The following TMOD1 variants were observed in gnomAD, a reference collection of about 807,000 sequenced individuals.
TMOD1 encodes the protein tropomodulin-1.
TMOD1 carries 17 observed loss-of-function variants against 40.6 expected under a neutral mutation model. The ratio of observed to expected loss-of-function variants is 0.42; its 90% CI spans 0.29 to 0.63. TMOD1 has a LOEUF of 0.63. Among genes scored for constraint, TMOD1 ranks in the 20% least tolerant of loss-of-function variants. The pLI, the probability that TMOD1 is intolerant of heterozygous loss-of-function variation, is 0.22. For missense variants in TMOD1, 391 were observed against 447.6 expected (o/e 0.87, Z 1.14); for synonymous variants, 181 against 175.0 (o/e 1.03, Z -0.27).
chr9:97,563,928 G>T, intron 5 of TMOD1, 110 bp from the exon 6 acceptor site: 1 of 1,311,472 alleles, frequency 7.6e-7, no homozygotes, highest in Non-Finnish European at 1.0e-6. Flanking sequence ...GTGATGTGCA[G>T]CCCTCACGTG....
At chr9:97,531,412 A>G (rs1012967279) in intron 2 of TMOD1, among the ~76,000 whole-genome samples, 1 of 151,968 alleles carries the variant, frequency 6.6e-6, no homozygotes, top group Non-Finnish European at 1.5e-5. Context: ...GGAGTTCAAA[A>G]CCAGCCTGGC....
In TMOD1 at chr9:97,562,796, C is replaced by T; in HGVS notation, c.462C>T (p.Ser154=). ...ACTACCAGGCCCTGAGCAGCAGCTC[C>T]ATCATGAACAAGGAGGGGCTCAACA... The part of the protein sequence containing the change: ...QQYYQALSSS[S]IMNKEGLNSV... Residue 154 remains serine (S), a synonymous_variant, in exon 5 of 10, where the codon TCC becomes TCT. Transcript: ENST00000259365. 1 of 1,585,710 alleles carries T rather than the reference C, an allele frequency of 6.3e-7. No individual in the cohort carries two copies. The highest frequency in any genetic ancestry group is 8.6e-7 in the Non-Finnish European group (1 of 1,169,578).
At chr9:97,578,757 A>G (rs1262261241) in intron 8 of TMOD1, among the ~76,000 whole-genome samples, 1 of 152,172 alleles carries the variant, frequency 6.6e-6, no homozygotes, top group Non-Finnish European at 1.5e-5. Context: ...AATGCATGTT[A>G]AGGGGCTTTG....
chr9:97,560,289 G>C (rs1830617460), intron 4 of TMOD1, among the ~76,000 whole-genome samples: 1 of 152,088 alleles, frequency 6.6e-6, no homozygotes, highest in South Asian at 2.1e-4. Flanking sequence ...AGATTCTGAG[G>C]CATACACCAG....
At chr9:97,582,937 C>T (rs541039637) in intron 8 of TMOD1, among the ~76,000 whole-genome samples, 11 of 151,642 alleles carry the variant, frequency 7.3e-5, no homozygotes, top group East Asian at 3.9e-4. Context: ...ACAATCATGT[C>T]GTCTGCAAAC....
intron 1 of TMOD1, among the ~76,000 whole-genome samples, chr9:97,517,513 G>A (rs774400224): frequency 1.3e-5 from 2 of 152,040 alleles, no homozygotes; most frequent in Non-Finnish European, 2.9e-5. Context: ...AGCCGGACAC[G>A]CATGCTGGGT....
At chr9:97,559,302 A>AC (rs1830581525) in intron 4 of TMOD1, among the ~76,000 whole-genome samples, 1 of 152,138 alleles carries the variant, frequency 6.6e-6, no homozygotes, top group Admixed American at 6.6e-5. Context: ...CGAGAGCTTG[A>AC]AAAAATGCAG....
rs117252558 is a variant in TMOD1 at position 97,532,128 on chromosome 9, G to A, written c.120+7820G>A. On this transcript the variant is annotated intron_variant, in intron 2 of 9. Coordinates refer to ENST00000259365, the MANE Select transcript of TMOD1 (RefSeq NM_003275.4). ...CTTTGTAACACAAACCGGCAGAATC[G>A]CAAGCCCAGGACAGAAGTAAACAGT... Among the ~76,000 whole-genome samples, 13 of 152,308 alleles carry A rather than the reference G, an allele frequency of 8.5e-5. No homozygotes were observed. The East Asian group carries it at 1.9e-3, about 23-fold the overall frequency.
At chr9:97,521,189 T>C (rs1318009470) in intron 1 of TMOD1, among the ~76,000 whole-genome samples, 1 of 152,182 alleles carries the variant, frequency 6.6e-6, no homozygotes, top group African/African-American at 2.4e-5. Context: ...TGAGATTCCA[T>C]TTCCGGGTGC....
At chr9:97,552,359 C>A (rs913306292) in intron 3 of TMOD1, among the ~76,000 whole-genome samples, 2 of 152,166 alleles carry the variant, frequency 1.3e-5, no homozygotes, top group Non-Finnish European at 2.9e-5. Flanking sequence ...GCGGTGCACA[C>A]CCCACCCACA....
chr9:97,599,603 T>A, intron 9 of TMOD1, 31 bp from the exon 10 acceptor site: 1 of 1,613,732 alleles, frequency 6.2e-7, no homozygotes, highest in Admixed American at 1.7e-5. Flanking sequence ...CAGGGAAAAG[T>A]GCCTTATATC....
rs377026492 is a variant in TMOD1, at chr9:97,556,778, G to T, written c.397+3378G>T. ...TGAGGGAGGCACTTGGGGTAGGGCTGGGGGAGACCAGGGAAGAGCTATGGA... is the reference window on the plus strand; with the variant it reads ...TGAGGGAGGCACTTGGGGTAGGGCTTGGGGAGACCAGGGAAGAGCTATGGA... On this transcript the variant is annotated intron_variant, in intron 4 of 9. Transcript: ENST00000259365. 5.3e-4 allele frequency among the ~76,000 whole-genome samples: 80 copies of T among 152,314 alleles called. 1 individual carries two copies. The highest frequency in any genetic ancestry group is 1.7e-3 in the African/African-American group (71 of 41,566).
chr9:97,509,855 C>CT (rs1329466099), intron 1 of TMOD1, among the ~76,000 whole-genome samples: 1 of 152,096 alleles, frequency 6.6e-6, no homozygotes, highest in East Asian at 1.9e-4. Flanking sequence ...CCACAATTTG[C>CT]TTTTTTATAA....
rs141990709 is a variant in TMOD1 at position 97,553,336 on chromosome 9, G to C, written c.333G>C (p.Thr111=). 6.2e-7 allele frequency: 1 copy of C among 1,614,196 alleles called. No individual in the cohort carries two copies. Among genetic ancestry groups the C allele is most frequent in the Non-Finnish European group, 8.5e-7 (1 of 1,180,036 alleles). ...KPLDPVLESV[T]LEPELEEALA... Reference sequence around the variant, plus strand: ...TGGATCCTGTGCTGGAAAGTGTGACGCTGGAACCGGAGCTGGAGGAAGCCT... The same window carrying C: ...TGGATCCTGTGCTGGAAAGTGTGACCCTGGAACCGGAGCTGGAGGAAGCCT... Residue 111 remains threonine (T), a synonymous_variant, in exon 4 of 10, where the codon ACG becomes ACC. Coordinates refer to ENST00000259365, the MANE Select transcript of TMOD1 (RefSeq NM_003275.4).
chr9:97,511,108 A>ACG (rs370457626), intron 1 of TMOD1, among the ~76,000 whole-genome samples: 1 of 149,714 alleles, frequency 6.7e-6, no homozygotes, highest in East Asian at 2.0e-4. Context: ...ACACACACAC[A>ACG]CACAGGCTTT....
intron 1 of TMOD1, among the ~76,000 whole-genome samples, chr9:97,508,878 G>A (rs913758775): frequency 6.6e-6 from 1 of 152,192 alleles, no homozygotes; most frequent in Non-Finnish European, 1.5e-5. Context: ...CCTATGACTG[G>A]TGTCTTAAGA....
intron 2 of TMOD1, among the ~76,000 whole-genome samples, chr9:97,544,009 T>C (rs1220163802): frequency 1.3e-5 from 2 of 152,128 alleles, no homozygotes; most frequent in Non-Finnish European, 2.9e-5. Context: ...TGTCCTCTCA[T>C]AAAAAGCTCC....
At chr9:97,516,749 C>T (rs1829816681) in intron 1 of TMOD1, 1 of 152,086 alleles carries the variant, frequency 6.6e-6, no homozygotes, top group Non-Finnish European at 1.5e-5. Context: ...CACAGCATGA[C>T]TCCAGTCATC....
At chr9:97,575,351 C>G (rs374811728) in intron 8 of TMOD1, among the ~76,000 whole-genome samples, 9 of 152,328 alleles carry the variant, frequency 5.9e-5, no homozygotes, top group African/African-American at 1.9e-4. Context: ...TCAGAAGGAA[C>G]AAACTCCGGA....
Sources: gnomAD v4.1 joint callset for allele counts (sites outside exome capture counted in the v4.1 genomes callset) on GRCh38, gnomAD v4.1.1 for gene constraint, MANE v1.5 for transcripts, NCBI Gene and HGNC (gene_info 2026-07-23, HGNC 2026-07-21) for gene names.